The following CSMD1 variants were observed in gnomAD, a reference collection of about 807,000 sequenced individuals.
CSMD1 encodes the protein CUB and sushi domain-containing protein 1.
Under a neutral mutation model 417.5 loss-of-function variants are expected in CSMD1, and 213 were observed. That is an observed-to-expected ratio of 0.51 (90% CI 0.46 to 0.57). The LOEUF (loss-of-function observed/expected upper bound fraction) is 0.57. Among genes scored for constraint, CSMD1 ranks in the 20% least tolerant of loss-of-function variants. The pLI, the probability that CSMD1 is intolerant of heterozygous loss-of-function variation, is 0.00. For synonymous variants in CSMD1, 2,862 were observed against 1,736.8 expected (o/e 1.65, Z -16.11); for missense variants, 6,923 against 4,529.7 (o/e 1.53, Z -15.17).
chr8:3,284,070 T>C, intron 26 of CSMD1, 74 bp downstream of exon 26: 2 of 1,212,360 alleles, frequency 1.6e-6, no homozygotes, highest in Non-Finnish European at 2.4e-6. Context: ...CTGGTGAATA[T>C]AAATGGAGGG....
intron 14 of CSMD1, 22 bp downstream of exon 14, chr8:3,407,877 T>C (rs1169051876): frequency 8.9e-6 from 14 of 1,572,400 alleles, no homozygotes; most frequent in Non-Finnish European, 1.2e-5. Flanking sequence ...CTTGGATGTG[T>C]TGACTGTGTG....
chr8:4,145,185 C>T (rs1007209424), intron 3 of CSMD1, among the ~76,000 whole-genome samples: 3 of 151,022 alleles, frequency 2.0e-5, no homozygotes, highest in African/African-American at 7.4e-5. Context: ...ATTACTAAAA[C>T]ACTAGTACGT....
intron 36 of CSMD1, among the ~76,000 whole-genome samples, chr8:3,185,929 G>T (rs776554945): frequency 1.1e-4 from 17 of 151,970 alleles, no homozygotes; most frequent in Non-Finnish European, 1.8e-4. Flanking sequence ...TGGCTCCCGT[G>T]ACTTGAAGGA....
chr8:3,656,969 C>T (rs995953041), intron 7 of CSMD1, among the ~76,000 whole-genome samples: 3 of 151,756 alleles, frequency 2.0e-5, no homozygotes, highest in African/African-American at 7.3e-5. Flanking sequence ...CTTTGCAAGC[C>T]AATCAGTGAA....
At chr8:3,760,318 T>C (rs558486234) in intron 5 of CSMD1, among the ~76,000 whole-genome samples, 1 of 152,284 alleles carries the variant, frequency 6.6e-6, no homozygotes, top group African/African-American at 2.4e-5. Context: ...CAATGCCAAA[T>C]TCATTTCCTT....
chr8:4,501,630 T>A (rs1802262460), intron 2 of CSMD1, among the ~76,000 whole-genome samples: 1 of 152,202 alleles, frequency 6.6e-6, no homozygotes, highest in Admixed American at 6.6e-5. Context: ...TTGCTAGCTG[T>A]TCTGACTAGC....
intron 8 of CSMD1, 137 bp from the exon 9 acceptor site, chr8:3,586,397 G>A (rs1181755577): frequency 2.5e-6 from 2 of 789,574 alleles, no homozygotes; most frequent in African/African-American, 1.8e-5. Context: ...AACTCATTAG[G>A]TAGTATGTAT....
chr8:4,151,873 G>A (rs372707319), intron 3 of CSMD1, among the ~76,000 whole-genome samples: 264 of 152,110 alleles, frequency 1.7e-3, no homozygotes, highest in African/African-American at 6.0e-3. Flanking sequence ...TCTATTGCAG[G>A]CACACATTAA....
At chr8:3,119,854 G>C (rs1817094210) in intron 41 of CSMD1, among the ~76,000 whole-genome samples, 2 of 152,086 alleles carry the variant, frequency 1.3e-5, no homozygotes, top group African/African-American at 4.8e-5. Flanking sequence ...CCAACCCTCA[G>C]CGCCAGGCAA....
chr8:4,535,587 C>A (rs1037364863), intron 2 of CSMD1, among the ~76,000 whole-genome samples: 1 of 152,208 alleles, frequency 6.6e-6, no homozygotes, highest in Non-Finnish European at 1.5e-5. Context: ...CTAAGTCATC[C>A]AAGATAGCAT....
chr8:4,902,639 T>G (rs1804962646), intron 1 of CSMD1, among the ~76,000 whole-genome samples: 1 of 152,180 alleles, frequency 6.6e-6, no homozygotes, highest in South Asian at 2.1e-4. Flanking sequence ...ATTTAACTCT[T>G]TATAACTTTT....
At chr8:4,625,214 G>T (rs1039462401) in intron 2 of CSMD1, among the ~76,000 whole-genome samples, 1 of 151,976 alleles carries the variant, frequency 6.6e-6, no homozygotes, top group South Asian at 2.1e-4. Context: ...TACACAGCAC[G>T]TTCTCACCTT....
At chr8:3,079,300 T>C (rs942466149) in intron 49 of CSMD1, among the ~76,000 whole-genome samples, 7 of 152,166 alleles carry the variant, frequency 4.6e-5, no homozygotes, top group African/African-American at 1.7e-4. Flanking sequence ...CTACAACCTA[T>C]ATAAAAGTGT....
At chr8:3,758,316 T>C (rs1797784829) in intron 5 of CSMD1, among the ~76,000 whole-genome samples, 1 of 152,218 alleles carries the variant, frequency 6.6e-6, no homozygotes, top group African/African-American at 2.4e-5. Flanking sequence ...AGACCAATTA[T>C]ACAATCCATT....
intron 1 of CSMD1, among the ~76,000 whole-genome samples, chr8:4,806,384 C>G (rs1464656252): frequency 3.3e-5 from 5 of 152,150 alleles, no homozygotes; most frequent in Non-Finnish European, 7.4e-5. Context: ...TCACCTCCAG[C>G]CTGTGGATGA....
chr8:4,105,629 G>T (rs1327859478), intron 3 of CSMD1, among the ~76,000 whole-genome samples: 2 of 152,188 alleles, frequency 1.3e-5, no homozygotes, highest in East Asian at 3.9e-4. Context: ...AAAGCAAAGG[G>T]GATTGGAGTA....
intron 1 of CSMD1, among the ~76,000 whole-genome samples, chr8:4,970,440 T>C (rs1306374565): frequency 6.6e-6 from 1 of 152,134 alleles, no homozygotes; most frequent in Non-Finnish European, 1.5e-5. Context: ...ATGAAAGATG[T>C]TTATGTGACC....
At chr8:3,547,114 C>A (rs145414619) in intron 10 of CSMD1, among the ~76,000 whole-genome samples, 1 of 152,258 alleles carries the variant, frequency 6.6e-6, no homozygotes, top group African/African-American at 2.4e-5. Flanking sequence ...GTTGGCCAAC[C>A]CTCATGCTGC....
chr8:4,936,540 T>A (rs574040184), intron 1 of CSMD1, among the ~76,000 whole-genome samples: 1 of 152,350 alleles, frequency 6.6e-6, no homozygotes, highest in East Asian at 1.9e-4. Context: ...CGTGAATAAA[T>A]GTTTGGAGGT....
Sources: gnomAD v4.1 joint callset for allele counts (sites outside exome capture counted in the v4.1 genomes callset) on GRCh38, gnomAD v4.1.1 for gene constraint, MANE v1.5 for transcripts, NCBI Gene and HGNC (gene_info 2026-07-23, HGNC 2026-07-21) for gene names.